Variants in LRP6 observed in about 807,000 individuals in gnomAD.
LRP6 encodes the protein low-density lipoprotein receptor-related protein 6.
A neutral mutation model predicts 184.1 loss-of-function variants in LRP6; 43 were observed. The ratio of observed to expected loss-of-function variants is 0.23; its 90% CI spans 0.18 to 0.30. LRP6 has a LOEUF of 0.30. Among genes scored for constraint, LRP6 ranks in the 10% least tolerant of loss-of-function variants. The pLI is 1.00. For synonymous variants in LRP6, 719 were observed against 684.9 expected (o/e 1.05, Z -0.78); for missense variants, 1,571 against 2,005.3 (o/e 0.78, Z 4.14).
At chr12:12,170,145 G>T (rs1193964335) in intron 7 of LRP6, among the ~76,000 whole-genome samples, 3 of 152,130 alleles carry the variant, frequency 2.0e-5, no homozygotes, top group African/African-American at 7.2e-5. Context: ...GACCAGCCTG[G>T]CCAACATGGT....
At chr12:12,148,123 T>C (rs1477406813) in intron 14 of LRP6, among the ~76,000 whole-genome samples, 1 of 151,586 alleles carries the variant, frequency 6.6e-6, no homozygotes, top group Non-Finnish European at 1.5e-5. Flanking sequence ...TAAAAGGTCA[T>C]GGGACACTTT....
chr12:12,235,640 G>C (rs1270560774), intron 2 of LRP6, among the ~76,000 whole-genome samples: 1 of 151,752 alleles, frequency 6.6e-6, no homozygotes, highest in African/African-American at 2.4e-5. Context: ...TGAAGCAGGA[G>C]AATCACTTGA....
intron 3 of LRP6, among the ~76,000 whole-genome samples, chr12:12,196,913 G>A (rs574518409): frequency 8.6e-5 from 13 of 152,032 alleles, no homozygotes; most frequent in East Asian, 1.9e-4. Context: ...AGACCCATTC[G>A]TTCACCAAAG....
chr12:12,168,239 A>G (rs1862941766), intron 7 of LRP6, among the ~76,000 whole-genome samples: 2 of 152,148 alleles, frequency 1.3e-5, no homozygotes, highest in African/African-American at 4.8e-5. Flanking sequence ...ATTACAATCT[A>G]ATTGGGGAGG....
In LRP6 at chr12:12,126,926, AATG is replaced by A. The variant is rs1381695895; in HGVS notation, c.4082-8_4082-6del. The A allele has an allele frequency of 3.7e-6, 6 of 1,607,092 alleles. No homozygotes were observed. Among genetic ancestry groups the A allele is most frequent in the Non-Finnish European group, 4.3e-6 (5 of 1,173,518 alleles). ...GTGCTGGTTCTTCAGTCGGATCTACAATGAAGAATGCAGTATGGTTATTTAATA... is the reference window on the plus strand; with the variant it reads ...GTGCTGGTTCTTCAGTCGGATCTACAAAGAATGCAGTATGGTTATTTAATA... On this transcript the variant is annotated splice_polypyrimidine_tract_variant and splice_region_variant and intron_variant, in intron 19 of 22. Coordinates refer to ENST00000261349, the MANE Select transcript of LRP6 (RefSeq NM_002336.3).
At chr12:12,138,646 A>T in intron 15 of LRP6, 112 bp from the exon 16 acceptor site, 1 of 1,310,472 alleles carries the variant, frequency 7.6e-7, no homozygotes, top group Non-Finnish European at 1.1e-6. Flanking sequence ...AGAAAAAAAA[A>T]ACAAGATCTC....
At chr12:12,213,505 T>A (rs1353725419) in intron 2 of LRP6, among the ~76,000 whole-genome samples, 2 of 152,274 alleles carry the variant, frequency 1.3e-5, no homozygotes. Flanking sequence ...TTTTTTTGCT[T>A]GAATCAAAAT....
intron 2 of LRP6, among the ~76,000 whole-genome samples, chr12:12,212,927 A>G (rs138527462): frequency 2.1e-3 from 319 of 152,330 alleles, no homozygotes; most frequent in African/African-American, 6.6e-3. Context: ...ACTGAATTGC[A>G]CTTTGCCCAG....
intron 7 of LRP6, among the ~76,000 whole-genome samples, chr12:12,170,948 T>C (rs1826555791): frequency 1.3e-5 from 2 of 152,132 alleles, no homozygotes; most frequent in South Asian, 4.2e-4. Context: ...CTTTCATTTA[T>C]TTTAGGCTAT....
rs375434353 is a variant in LRP6, at chr12:12,166,320, C to T, written c.1546-1025G>A. ...GTTTCTACTGCAGCATTTCCAATTG[C>T]ATTTCCAGGAACATGTACTGCTACC... On this transcript the variant is annotated intron_variant, in intron 7 of 22. Transcript: ENST00000261349. 1.6e-4 allele frequency among the ~76,000 whole-genome samples: 25 copies of T among 152,124 alleles called. No individual in the cohort carries two copies. In the East Asian group the frequency reaches 2.9e-3, roughly 18 times the overall value.
rs1455979083 is a variant in LRP6 at position 12,121,351 on chromosome 12, A to G, written c.4617T>C (p.Ser1539=). The G allele has an allele frequency of 1.2e-6, 2 of 1,614,138 alleles. No individual in the cohort carries two copies. Among genetic ancestry groups the G allele is most frequent in the Non-Finnish European group, 1.7e-6 (2 of 1,180,030 alleles). ...TTPCSTDVCD[S]DYAPSRRMTS... is the part of the protein sequence containing the mutation. Reference sequence around the variant, plus strand: ...TCATTCTCCGACTAGGAGCATAGTCACTGTCACAAACATCTGTGCTGCAGG... The same window carrying G: ...TCATTCTCCGACTAGGAGCATAGTCGCTGTCACAAACATCTGTGCTGCAGG... The change falls in exon 23 of 23, where the codon AGT becomes AGC. Residue 1539 remains serine (S), a synonymous_variant. Transcript: ENST00000261349.
intron 12 of LRP6, 87 bp downstream of exon 12, chr12:12,158,738 CTATT>C (rs1389425776): frequency 7.8e-7 from 1 of 1,278,164 alleles, no homozygotes; most frequent in African/African-American, 1.5e-5. Flanking sequence ...GATTTCCACA[CTATT>C]TAACTTTAGA....
Position 12,121,150 on chromosome 12 carries a change from G to C in LRP6, c.4818C>G (p.Pro1606=), listed in dbSNP as rs376462204. 1.9e-6 allele frequency: 3 copies of C among 1,613,048 alleles called. No homozygotes were observed. The highest frequency in any genetic ancestry group is 1.7e-6 in the Non-Finnish European group (2 of 1,179,642). Residue 1606 remains proline, a synonymous_variant, in exon 23 of 23, where the codon CCC becomes CCG. Coordinates refer to ENST00000261349, the MANE Select transcript of LRP6 (RefSeq NM_002336.3). The part of the protein sequence containing the change: ...SYSHHLYPPP[P]SPCTDSS ...CTCAGGAGGAGTCTGTACAGGGAGA[G>C]GGTGGCGGTGGGTAGAGGTGATGAG... is the stretch of plus-strand genomic sequence containing the variant.
chr12:12,155,710 G>A, intron 12 of LRP6: 3 of 987,112 alleles, frequency 3.0e-6, no homozygotes, highest in Non-Finnish European at 4.9e-6. Flanking sequence ...AGCATATTTT[G>A]TGAGAACCAG....
rs1864030047 is a variant in LRP6 at position 12,205,353 on chromosome 12, A to AG, written c.450-1954_450-1953insC. ...ACAAAAAAAAAAAAAAAAAAAAAAA[A>AG]AAAGAGGTAATGAGGGTGCTATGAA... is the stretch of plus-strand genomic sequence containing the variant. On this transcript the variant is annotated intron_variant, in intron 2 of 22. Transcript: ENST00000261349. 2.2e-5 allele frequency among the ~76,000 whole-genome samples: 3 copies of AG among 137,300 alleles called. No homozygotes were observed. In the South Asian group the frequency reaches 6.5e-4, roughly 30 times the overall value. 90.1% of individuals were successfully genotyped at this position (137,300 alleles called of 152,430 possible).
chr12:12,200,892 G>A (rs1863896757), intron 3 of LRP6, among the ~76,000 whole-genome samples: 1 of 152,048 alleles, frequency 6.6e-6, no homozygotes, highest in South Asian at 2.1e-4. Context: ...ATAGAGATTT[G>A]ATCTGTTCTG....
chr12:12,201,836 T>C (rs901505082), intron 3 of LRP6, among the ~76,000 whole-genome samples: 1 of 152,216 alleles, frequency 6.6e-6, no homozygotes, highest in South Asian at 2.1e-4. Context: ...CATTGTTATA[T>C]GTCATTTCAC....
rs61920858 is a variant in LRP6 at position 12,253,484 on chromosome 12, T to C, written c.56-8829A>G. Reference sequence around the variant, plus strand: ...TACATGTGCACAACGTGCAGGTTTGTTACATATGTATACATGTGCCATGTT... The same window carrying C: ...TACATGTGCACAACGTGCAGGTTTGCTACATATGTATACATGTGCCATGTT... On this transcript the variant is annotated intron_variant, in intron 1 of 22. Coordinates refer to ENST00000261349, the MANE Select transcript of LRP6 (RefSeq NM_002336.3). Among the ~76,000 whole-genome samples, 75 of 152,208 alleles carry C rather than the reference T, an allele frequency of 4.9e-4. 1 individual carries two copies. The highest frequency in any genetic ancestry group is 9.6e-4 in the Non-Finnish European group (65 of 67,992).
At chr12:12,150,813 T>C (rs754231766) in intron 13 of LRP6, 23 bp downstream of exon 13, 1 of 1,612,308 alleles carries the variant, frequency 6.2e-7, no homozygotes, top group South Asian at 1.1e-5. Context: ...GAGAAATGAA[T>C]TTTGAACCAA....
Sources: gnomAD v4.1 joint callset for allele counts (sites outside exome capture counted in the v4.1 genomes callset) on GRCh38, gnomAD v4.1.1 for gene constraint, MANE v1.5 for transcripts, NCBI Gene and HGNC (gene_info 2026-07-23, HGNC 2026-07-21) for gene names.